MAP3K13: variants seen among roughly 807,000 people sequenced by gnomAD.
MAP3K13 encodes the protein mitogen-activated protein kinase kinase kinase 13, also known as leucine zipper-bearing kinase.
A neutral mutation model predicts 104.0 loss-of-function variants in MAP3K13; 52 were observed. The ratio of observed to expected loss-of-function variants is 0.50; its 90% CI spans 0.40 to 0.63. The LOEUF (loss-of-function observed/expected upper bound fraction) is 0.63. Among genes scored for constraint, MAP3K13 ranks in the 20% least tolerant of loss-of-function variants. MAP3K13 has a pLI of 0.00. For synonymous variants in MAP3K13, 394 were observed against 442.2 expected, an observed-to-expected ratio of 0.89 and a Z score of 1.37; for missense variants, 914 against 1,218.5, an observed-to-expected ratio of 0.75 and a Z score of 3.72.
chr3:185,408,580 AAAAG>A (rs912682548), intron 1 of MAP3K13, among the ~76,000 whole-genome samples: 3 of 152,098 alleles, frequency 2.0e-5, no homozygotes. Context: ...TTAAAAAAAA[AAAAG>A]AAGCCGATTA....
chr3:185,476,491 G>A (rs759252291), intron 11 of MAP3K13: 6 of 151,732 alleles, frequency 4.0e-5, no homozygotes, highest in African/African-American at 7.3e-5. Flanking sequence ...CACCTTACAA[G>A]CGATTGGGTA....
chr3:185,470,975 A>G (rs1174651126), intron 10 of MAP3K13, among the ~76,000 whole-genome samples: 1 of 152,212 alleles, frequency 6.6e-6, no homozygotes, highest in African/African-American at 2.4e-5. Context: ...TTAACTGAAG[A>G]AAAAATGGAT....
At chr3:185,480,642 G>A in intron 13 of MAP3K13, 113 bp downstream of exon 13, 14 of 1,101,496 alleles carry the variant, frequency 1.3e-5, no homozygotes, top group Non-Finnish European at 1.8e-5. Flanking sequence ...CAGTGGCCTT[G>A]TATTAGTCTG....
At chr3:185,405,684 T>C (rs941832906) in intron 1 of MAP3K13, among the ~76,000 whole-genome samples, 1 of 152,242 alleles carries the variant, frequency 6.6e-6, no homozygotes, top group Non-Finnish European at 1.5e-5. Context: ...CAAATGTCTC[T>C]TTTTCTGTGA....
intron 1 of MAP3K13, among the ~76,000 whole-genome samples, chr3:185,424,008 T>C (rs1714278371): frequency 6.6e-6 from 1 of 152,212 alleles, no homozygotes; most frequent in South Asian, 2.1e-4. Flanking sequence ...GAACGGAATA[T>C]GGCTCACTTG....
intron 1 of MAP3K13, among the ~76,000 whole-genome samples, chr3:185,403,237 T>G (rs1450977539): frequency 3.3e-5 from 5 of 152,200 alleles, no homozygotes; most frequent in Non-Finnish European, 7.4e-5. Context: ...GTTCGGAAAT[T>G]GCTGAAGTCT....
At chr3:185,409,934 G>T (rs138026809) in intron 1 of MAP3K13, among the ~76,000 whole-genome samples, 68 of 152,242 alleles carry the variant, frequency 4.5e-4, no homozygotes, top group African/African-American at 1.4e-3. Flanking sequence ...GGTGGGTGGT[G>T]GGTGGGAATG....
At chr3:185,313,298 C>T (rs545472877) in intron 2 of MAP3K13, among the ~76,000 whole-genome samples, 23 of 140,430 alleles carry the variant, frequency 1.6e-4, no homozygotes, top group African/African-American at 4.3e-4. Context: ...GAAATGGAGT[C>T]GCACTCTTTC....
At chr3:185,454,556 C>G (rs796562685) in intron 7 of MAP3K13, among the ~76,000 whole-genome samples, 21 of 53,830 alleles carry the variant, frequency 3.9e-4, no homozygotes, top group East Asian at 1.3e-3. Context: ...GATATATACA[C>G]ATATATATGA....
chr3:185,434,878 G>A (rs1378512952), intron 2 of MAP3K13, among the ~76,000 whole-genome samples: 1 of 152,160 alleles, frequency 6.6e-6, no homozygotes, highest in Non-Finnish European at 1.5e-5. Context: ...GTGTAAAGCT[G>A]TTCAAAGACG....
chr3:185,432,855 G>C (rs1370615766), intron 2 of MAP3K13, among the ~76,000 whole-genome samples: 2 of 152,194 alleles, frequency 1.3e-5, no homozygotes, highest in Non-Finnish European at 2.9e-5. Context: ...GGCACAGCAG[G>C]TGCCTGGCCT....
chr3:185,450,119 C>T lies in MAP3K13; in HGVS notation c.1169+61C>T. On this transcript the variant is annotated intron_variant, in intron 6 of 13. Transcript: ENST00000265026. This position sits in a 1 kb window ranked among gnomAD's most constrained non-coding sequence, Gnocchi z 4.2. Reference sequence around the variant, plus strand: ...CTAATGTGTATTTGGAGTAAATATCCTGGTGGTGGAAAGAATAGGAGCTTT... The same window carrying T: ...CTAATGTGTATTTGGAGTAAATATCTTGGTGGTGGAAAGAATAGGAGCTTT... 2 of 1,435,032 alleles carry T rather than the reference C, an allele frequency of 1.4e-6. No individual in the cohort carries two copies. Among genetic ancestry groups the T allele is most frequent in the South Asian group, 2.9e-5 (2 of 68,170 alleles). The allele number at this position is 1,435,032 out of a possible 1,614,324, so 88.9% of individuals were successfully genotyped here.
intron 4 of MAP3K13, 55 bp from the exon 5 acceptor site, chr3:185,447,734 A>C (rs1715671757): frequency 7.4e-7 from 1 of 1,357,020 alleles, no homozygotes; most frequent in Non-Finnish European, 1.0e-6. Flanking sequence ...ATTTAGAATC[A>C]TGGTTTTCGT....
chr3:185,409,403 A>T (rs1713301930), intron 1 of MAP3K13, among the ~76,000 whole-genome samples: 1 of 152,174 alleles, frequency 6.6e-6, no homozygotes, highest in African/African-American at 2.4e-5. Context: ...AATATCTCTG[A>T]TTATCAGGGA....
intron 2 of MAP3K13, among the ~76,000 whole-genome samples, chr3:185,343,743 G>T (rs73193048): frequency 6.6e-6 from 1 of 152,186 alleles, no homozygotes; most frequent in African/African-American, 2.4e-5. Flanking sequence ...AAGCCACTGC[G>T]CCTGGCTGGA....
At position 185,423,980 on chromosome 3, in the gene MAP3K13, A is replaced by G. The variant is rs1315291654; in HGVS notation, c.-85-4517A>G. On this transcript the variant is annotated intron_variant, in intron 1 of 13. Transcript: ENST00000265026. This position sits in a 1 kb window ranked among gnomAD's most constrained non-coding sequence, Gnocchi z 4.1. ...TCCTACCTCTTTTAGCATTGTTCCCATCTCTCTTGGCTCTGTAGAACGGAA... is the reference window on the plus strand; with the variant it reads ...TCCTACCTCTTTTAGCATTGTTCCCGTCTCTCTTGGCTCTGTAGAACGGAA... 6.6e-6 allele frequency among the ~76,000 whole-genome samples: 1 copy of G among 152,020 alleles called. No homozygotes were observed. The highest frequency in any genetic ancestry group is 1.5e-5 in the Non-Finnish European group (1 of 68,002).
chr3:185,384,087 C>T (rs2108761701), intron 1 of MAP3K13, among the ~76,000 whole-genome samples: 1 of 152,282 alleles, frequency 6.6e-6, no homozygotes, highest in South Asian at 2.1e-4. Flanking sequence ...ACCAGCCTCT[C>T]TTCATCCCCT....
At chr3:185,362,689 G>C (rs1723678711), upstream of MAP3K13, among the ~76,000 whole-genome samples, 2 of 152,142 alleles carry the variant, frequency 1.3e-5, no homozygotes. Context: ...GTCGTGGTGA[G>C]CAGGGCATAC....
chr3:185,486,000 T>A lies in MAP3K13; in HGVS notation c.*3544T>A, dbSNP rs556704053. On this transcript the variant is annotated 3_prime_UTR_variant, in exon 14 of 14. Coordinates refer to ENST00000265026, the MANE Select transcript of MAP3K13 (RefSeq NM_004721.5). Reference sequence around the variant, plus strand: ...TTCAGATCTCACTGTACTGTAAATCTCTCTGGTTCATTATTCCTTGGAACA... The same window carrying A: ...TTCAGATCTCACTGTACTGTAAATCACTCTGGTTCATTATTCCTTGGAACA... 6.6e-6 allele frequency: 1 copy of A among 152,364 alleles called. No homozygotes were observed. The highest frequency in any genetic ancestry group is 1.9e-4 in the East Asian group (1 of 5,188). The allele number at this position is 152,364 out of a possible 1,614,324, so 9.4% of individuals were successfully genotyped here.
Sources: gnomAD v4.1 joint callset for allele counts (sites outside exome capture counted in the v4.1 genomes callset) on GRCh38, gnomAD v4.1.1 for gene constraint, Gnocchi (gnomAD v3.1) non-coding constraint, MANE v1.5 for transcripts, NCBI Gene and HGNC (gene_info 2026-07-23, HGNC 2026-07-21) for gene names.